Variants in RUNX3 observed in about 807,000 individuals in gnomAD.
RUNX3 encodes the protein RUNX family transcription factor 3.
Under a neutral mutation model 27.7 loss-of-function variants are expected in RUNX3, and 10 were observed. That is an observed-to-expected ratio of 0.36 (90% CI 0.22 to 0.61). RUNX3 has a LOEUF of 0.61. RUNX3 is among the 20% of genes least tolerant of loss of function. The pLI is 0.72. For synonymous variants in RUNX3, 270 were observed against 269.2 expected (o/e 1.00, Z -0.03); for missense variants, 469 against 629.5 (o/e 0.75, Z 2.73).
intron 1 of RUNX3, among the ~76,000 whole-genome samples, chr1:24,928,358 T>C (rs1641140361): frequency 1.3e-5 from 2 of 152,170 alleles, no homozygotes; most frequent in African/African-American, 4.8e-5. Flanking sequence ...AATGGAAGGA[T>C]GCACCTGCCG....
At chr1:24,907,517 T>C (rs576002756) in intron 3 of RUNX3, 100 bp from the exon 4 acceptor site, 2 of 1,260,408 alleles carry the variant, frequency 1.6e-6, no homozygotes, top group South Asian at 3.0e-5. Flanking sequence ...AGGTCTGACC[T>C]TAGGCCTCTG....
chr1:24,917,758 A>G (rs555287210), intron 3 of RUNX3, among the ~76,000 whole-genome samples: 145 of 152,330 alleles, frequency 9.5e-4, no homozygotes, highest in African/African-American at 3.3e-3. Flanking sequence ...TGACTAGCCC[A>G]AGGACCCACA....
At chr1:24,945,961 A>C (rs1280481508) in intron 2 of RUNX3, among the ~76,000 whole-genome samples, 1 of 152,146 alleles carries the variant, frequency 6.6e-6, no homozygotes, top group Non-Finnish European at 1.5e-5. Context: ...GACCTCCCTG[A>C]GAACGGAGAT....
chr1:24,947,044 ATAAT>A (rs1419978479), intron 2 of RUNX3, among the ~76,000 whole-genome samples: 1 of 151,994 alleles, frequency 6.6e-6, no homozygotes, highest in Non-Finnish European at 1.5e-5. Flanking sequence ...ATACTTGGTA[ATAAT>A]TAACCCACGG....
In RUNX3 at chr1:24,927,772, A is replaced by G; in HGVS notation, c.283-42T>C. 6.2e-7 allele frequency: 1 copy of G among 1,602,980 alleles called. No individual in the cohort carries two copies. The highest frequency in any genetic ancestry group is 8.5e-7 in the Non-Finnish European group (1 of 1,170,566). ...GGGGGATGCAGGGGGACAGCTTAGA[A>G]AGGAAGAGGGTGACCAGGGAAAGGA... is the stretch of plus-strand genomic sequence containing the variant. On this transcript the variant is annotated intron_variant, in intron 1 of 4. Transcript: ENST00000308873. This position sits in a 1 kb window ranked among gnomAD's most constrained non-coding sequence, Gnocchi z 5.0.
At chr1:24,955,504 A>G (rs1641893653) in intron 2 of RUNX3, among the ~76,000 whole-genome samples, 1 of 152,186 alleles carries the variant, frequency 6.6e-6, no homozygotes, top group African/African-American at 2.4e-5. Context: ...GGGAATCCAG[A>G]GCATTTATGG....
intron 2 of RUNX3, among the ~76,000 whole-genome samples, chr1:24,950,786 C>T (rs1479028325): frequency 6.6e-6 from 1 of 152,134 alleles, no homozygotes; most frequent in Non-Finnish European, 1.5e-5. Context: ...CATGCCCGGG[C>T]AGTAGGCCTG....
Position 24,929,880 on chromosome 1 carries a change from T to C in RUNX3, c.-12A>G. The C allele has an allele frequency of 7.8e-7, 1 of 1,277,630 alleles. No individual in the cohort carries two copies. The highest frequency in any genetic ancestry group is 3.2e-5 in the East Asian group (1 of 31,512). The allele number at this position is 1,277,630 out of a possible 1,614,324, so 79.1% of individuals were successfully genotyped here. A position where few individuals can be genotyped will look rare whatever the true frequency, so the allele number is the denominator to read the frequency against. On this transcript the variant is annotated 5_prime_UTR_variant, in exon 1 of 5. Coordinates refer to ENST00000308873, the MANE Select transcript of RUNX3 (RefSeq NM_004350.3). ...ACGGGAATACGCATAACAGCGGCCGTCAGGGCGCCGGGCAGGCGGAGACGG... is the reference window on the plus strand; with the variant it reads ...ACGGGAATACGCATAACAGCGGCCGCCAGGGCGCCGGGCAGGCGGAGACGG...
chr1:24,931,221 G>C (rs1641220836), upstream of RUNX3, among the ~76,000 whole-genome samples: 1 of 152,238 alleles, frequency 6.6e-6, no homozygotes, highest in African/African-American at 2.4e-5. Flanking sequence ...CCATGCGGGT[G>C]GAAAGTGGCC....
chr1:24,920,018 T>C (rs1159554458), intron 2 of RUNX3, among the ~76,000 whole-genome samples: 1 of 152,138 alleles, frequency 6.6e-6, no homozygotes, highest in African/African-American at 2.4e-5. Context: ...ACCTCCTTAC[T>C]CTCGGGTATT....
intron 3 of RUNX3, among the ~76,000 whole-genome samples, chr1:24,913,590 C>T (rs1213238207): frequency 2.0e-5 from 3 of 152,270 alleles, no homozygotes; most frequent in African/African-American, 7.2e-5. Flanking sequence ...TGCGTCTGTG[C>T]AGTGGGGGTG....
Position 24,927,452 on chromosome 1 carries a change from T to A in RUNX3, c.439+122A>T. 1.1e-6 allele frequency: 1 copy of A among 925,632 alleles called. No individual in the cohort carries two copies. The highest frequency in any genetic ancestry group is 1.7e-6 in the Non-Finnish European group (1 of 585,288). The allele number at this position is 925,632 out of a possible 1,614,324, so 57.3% of individuals were successfully genotyped here. A position where few individuals can be genotyped will look rare whatever the true frequency, so the allele number is the denominator to read the frequency against. Reference sequence around the variant, plus strand: ...ATCCTACAGGATTACAAATTGCTGTTTTTAGACAGAGCTGCATCTGGAGAC... The same window carrying A: ...ATCCTACAGGATTACAAATTGCTGTATTTAGACAGAGCTGCATCTGGAGAC... On this transcript the variant is annotated intron_variant, in intron 2 of 4. Coordinates refer to ENST00000308873, the MANE Select transcript of RUNX3 (RefSeq NM_004350.3). The surrounding 1 kb of genome is among the most constrained non-coding windows in gnomAD (Gnocchi z 5.0).
chr1:24,945,523 C>T lies in RUNX3; in HGVS notation c.59-15671G>A, dbSNP rs143603486. 7.0e-4 allele frequency among the ~76,000 whole-genome samples: 107 copies of T among 152,330 alleles called. 1 individual carries two copies. Among genetic ancestry groups the T allele is most frequent in the African/African-American group, 2.6e-3 (107 of 41,568 alleles). ...TGAGTGCTTTACACTTATTAACTCA[C>T]TCGGTTCTTGCAATAACCCAATGAG... On this transcript the variant is annotated intron_variant, in intron 2 of 6. Coordinates refer to the RUNX3 transcript ENST00000338888.
chr1:24,901,240 C>T lies in RUNX3; in HGVS notation c.*882G>A, dbSNP rs777415615. 1 of 152,134 alleles carries T rather than the reference C, an allele frequency of 6.6e-6. No homozygotes were observed. Among genetic ancestry groups the T allele is most frequent in the Non-Finnish European group, 1.5e-5 (1 of 67,946 alleles). The allele number at this position is 152,134 out of a possible 1,614,324, so 9.4% of individuals were successfully genotyped here. On this transcript the variant is annotated 3_prime_UTR_variant, in exon 5 of 5. Coordinates refer to ENST00000308873, the MANE Select transcript of RUNX3 (RefSeq NM_004350.3). ...CTCACCTCAATGCCTTCTGCTAGGA[C>T]CTATCTATCTGGCCCTCCTGTTCTC...
intron 4 of RUNX3, among the ~76,000 whole-genome samples, chr1:24,905,611 C>A (rs1640649224): frequency 6.6e-6 from 1 of 152,240 alleles, no homozygotes; most frequent in Non-Finnish European, 1.5e-5. Context: ...TGCCGTGGGG[C>A]CAGGCATTGA....
chr1:24,939,441 C>T (rs992538736), intron 2 of RUNX3, among the ~76,000 whole-genome samples: 17 of 152,224 alleles, frequency 1.1e-4, no homozygotes, highest in South Asian at 4.1e-4. Flanking sequence ...GGTATAGATG[C>T]GCAGATAGAT....
At position 24,916,680 on chromosome 1, in the gene RUNX3, GC is replaced by G. The variant is rs374705178; in HGVS notation, c.544+2559del. On this transcript the variant is annotated intron_variant, in intron 3 of 4. Transcript: ENST00000308873. This position sits in a 1 kb window ranked among gnomAD's most constrained non-coding sequence, Gnocchi z 4.8. ...GTATGGGGGGGGACCTGATCTCAGG[GC>G]CAGGATATGCCAGGGACAGGAACAG... 2.6e-3 allele frequency among the ~76,000 whole-genome samples: 392 copies of G among 152,232 alleles called. 5 individuals are homozygous for G. The highest frequency in any genetic ancestry group is 0.018 in the South Asian group (89 of 4,828).
chr1:24,941,515 G>A (rs1316474066), intron 2 of RUNX3, among the ~76,000 whole-genome samples: 1 of 152,204 alleles, frequency 6.6e-6, no homozygotes, highest in East Asian at 1.9e-4. Flanking sequence ...GCATAGCAAG[G>A]TCAGGAACGT....
In RUNX3 at chr1:24,939,593, G is replaced by A. The variant is rs80218407; in HGVS notation, c.59-9741C>T. Among the ~76,000 whole-genome samples the A allele has an allele frequency of 1.4e-4, 21 of 152,364 alleles. No individual in the cohort carries two copies. In the South Asian group the frequency reaches 3.5e-3, roughly 26 times the overall value. ...CATGGAATCAGGGCTCAGAGCTTTG[G>A]ATTTGTTCTACAGAGCAGCTCTGGG... is the stretch of plus-strand genomic sequence containing the variant. On this transcript the variant is annotated intron_variant, in intron 2 of 6. Coordinates refer to the RUNX3 transcript ENST00000338888.
Sources: gnomAD v4.1 joint callset for allele counts (sites outside exome capture counted in the v4.1 genomes callset) on GRCh38, gnomAD v4.1.1 for gene constraint, Gnocchi (gnomAD v3.1) non-coding constraint, MANE v1.5 for transcripts, NCBI Gene and HGNC (gene_info 2026-07-23, HGNC 2026-07-21) for gene names.